The following GATB variants were observed in gnomAD, a reference collection of about 807,000 sequenced individuals.
GATB encodes glutamyl-tRNA amidotransferase subunit B.
A neutral mutation model predicts 62.3 loss-of-function variants in GATB; 39 were observed. That is an observed-to-expected ratio of 0.63 (90% CI 0.48 to 0.82). The LOEUF (loss-of-function observed/expected upper bound fraction) is 0.82. Ranked by LOEUF, GATB falls within the 40% of genes least tolerant of loss-of-function variation. The probability of loss-of-function intolerance (pLI) is 0.00; values close to 1 mark genes in which losing one functional copy is unlikely to be tolerated. For synonymous variants in GATB, 276 were observed against 258.9 expected (o/e 1.07, Z -0.63); for missense variants, 670 against 684.0 (o/e 0.98, Z 0.23).
intron 2 of GATB, among the ~76,000 whole-genome samples, chr4:151,757,795 TA>T (rs2127002181): frequency 6.6e-6 from 1 of 152,242 alleles, no homozygotes; most frequent in South Asian, 2.1e-4. Flanking sequence ...CTTCCACTCT[TA>T]TTTAAATGTT....
chr4:151,702,497 A>G (rs1051084989), intron 8 of GATB, among the ~76,000 whole-genome samples: 9 of 152,066 alleles, frequency 5.9e-5, no homozygotes, highest in Admixed American at 2.0e-4. Flanking sequence ...TAAACCATGG[A>G]CTCTAGCCAA....
At chr4:151,686,298 C>T (rs574477325) in intron 10 of GATB, among the ~76,000 whole-genome samples, 42 of 152,204 alleles carry the variant, frequency 2.8e-4, no homozygotes, top group Non-Finnish European at 4.9e-4. Flanking sequence ...GCTGAGCAGC[C>T]GAGTCGGGAA....
intron 2 of GATB, chr4:151,722,486 T>C (rs1739050887): frequency 2.4e-6 from 1 of 421,746 alleles, no homozygotes; most frequent in Admixed American, 4.3e-5. Flanking sequence ...GCCTACATCT[T>C]CAATTTCATC....
At chr4:151,679,063 T>C (rs554038601) in intron 11 of GATB, among the ~76,000 whole-genome samples, 1 of 152,204 alleles carries the variant, frequency 6.6e-6, no homozygotes, top group African/African-American at 2.4e-5. Flanking sequence ...ACTCAGCTAA[T>C]TTCTGTATTT....
intron 5 of GATB, among the ~76,000 whole-genome samples, chr4:151,710,273 C>T (rs574721837): frequency 6.6e-6 from 1 of 152,180 alleles, no homozygotes; most frequent in Non-Finnish European, 1.5e-5. Context: ...CCCTTCTCTC[C>T]CATACCAGTC....
At chr4:151,759,601 CTTTT>C (rs1375345865) in intron 1 of GATB, among the ~76,000 whole-genome samples, 2 of 152,098 alleles carry the variant, frequency 1.3e-5, no homozygotes, top group Non-Finnish European at 2.9e-5. Context: ...TTTCAGGTTA[CTTTT>C]TTAATGCTTA....
At chr4:151,740,516 C>G (rs1205761825) in intron 2 of GATB, among the ~76,000 whole-genome samples, 2 of 152,194 alleles carry the variant, frequency 1.3e-5, no homozygotes, top group East Asian at 3.8e-4. Context: ...TATGACATCA[C>G]CAGGCCATAG....
chr4:151,678,433 GTTC>G (rs938228190), intron 11 of GATB, among the ~76,000 whole-genome samples: 14 of 122,104 alleles, frequency 1.1e-4, no homozygotes, highest in Admixed American at 3.1e-4. Flanking sequence ...AATTCAATGT[GTTC>G]TTCTCTCTCT....
intron 2 of GATB, among the ~76,000 whole-genome samples, chr4:151,750,181 C>G (rs1739691147): frequency 6.6e-6 from 1 of 152,140 alleles, no homozygotes; most frequent in South Asian, 2.1e-4. Flanking sequence ...ACGCCCAGCC[C>G]CTAACTTAAG....
At chr4:151,741,753 G>C (rs112366025) in intron 2 of GATB, among the ~76,000 whole-genome samples, 16 of 152,346 alleles carry the variant, frequency 1.1e-4, no homozygotes, top group African/African-American at 3.4e-4. Context: ...TCTCCCACTA[G>C]AGCCAGCTGC....
In GATB at chr4:151,730,054, C is replaced by T. The variant is rs1015776293; in HGVS notation, c.328-10516G>A. On this transcript the variant is annotated intron_variant, in intron 2 of 12. Coordinates refer to ENST00000263985, the MANE Select transcript of GATB (RefSeq NM_004564.3). This position sits in a 1 kb window ranked among gnomAD's most constrained non-coding sequence, Gnocchi z 4.1. ...AAAGCCTCAGGCAAGTTTTCAAGCC[C>T]CACCTGCCCTCTGCCTGGAAACAGA... is the stretch of plus-strand genomic sequence containing the variant. Among the ~76,000 whole-genome samples the T allele has an allele frequency of 7.9e-5, 12 of 152,182 alleles. No homozygotes were observed. The highest frequency in any genetic ancestry group is 2.7e-4 in the African/African-American group (11 of 41,448).
At position 151,730,457 on chromosome 4, in the gene GATB, A is replaced by G. The variant is rs1330347147; in HGVS notation, c.328-10919T>C. 1.3e-5 allele frequency among the ~76,000 whole-genome samples: 2 copies of G among 152,242 alleles called. No homozygotes were observed. Among genetic ancestry groups the G allele is most frequent in the African/African-American group, 4.8e-5 (2 of 41,464 alleles). ...CTGGAAAGCACCACCTCCTGGCAGAAGGCCAACCAGCACAAAAATAAAGCA... is the reference window on the plus strand; with the variant it reads ...CTGGAAAGCACCACCTCCTGGCAGAGGGCCAACCAGCACAAAAATAAAGCA... On this transcript the variant is annotated intron_variant, in intron 2 of 12. Transcript: ENST00000263985. The surrounding 1 kb of genome is among the most constrained non-coding windows in gnomAD (Gnocchi z 4.1).
At chr4:151,735,440 A>G (rs1739352788) in intron 2 of GATB, among the ~76,000 whole-genome samples, 1 of 152,070 alleles carries the variant, frequency 6.6e-6, no homozygotes, top group Non-Finnish European at 1.5e-5. Flanking sequence ...ATCAAAAAAC[A>G]GTAGATGTTG....
intron 2 of GATB, among the ~76,000 whole-genome samples, chr4:151,731,955 G>A (rs1483276479): frequency 9.6e-6 from 1 of 103,990 alleles, no homozygotes; most frequent in Non-Finnish European, 2.1e-5. Context: ...CGTCCGGGAG[G>A]GAAGTGGGGG....
chr4:151,694,673 TAC>T (rs1248382020), intron 9 of GATB, among the ~76,000 whole-genome samples: 5 of 152,212 alleles, frequency 3.3e-5, no homozygotes, highest in Admixed American at 6.5e-5. Flanking sequence ...AGAAGGTGAG[TAC>T]TTTGCACCTC....
intron 5 of GATB, among the ~76,000 whole-genome samples, chr4:151,709,146 A>G (rs1738770890): frequency 6.6e-6 from 1 of 152,218 alleles, no homozygotes; most frequent in Non-Finnish European, 1.5e-5. Context: ...CCAAAGCAAA[A>G]GCATATTAAA....
rs371263176 is a variant in GATB, at chr4:151,701,385, G to T, written c.1141C>A (p.Arg381=). 1.3e-6 allele frequency: 2 copies of T among 1,598,896 alleles called. No homozygotes were observed. The highest frequency in any genetic ancestry group is 2.3e-5 in the East Asian group (1 of 43,738). ...CCATACTGTTGGACAAGCTTCTCTCGGGTCACACTGGGGAGCTCCGGGAGT... is the reference window on the plus strand; with the variant it reads ...CCATACTGTTGGACAAGCTTCTCTCTGGTCACACTGGGGAGCTCCGGGAGT... ...ETLPELPSVT[R]EKLVQQYGML... The change falls in exon 9 of 13, where the codon CGA becomes AGA. Residue 381 remains arginine (R), a synonymous_variant. Transcript: ENST00000263985.
intron 2 of GATB, among the ~76,000 whole-genome samples, chr4:151,755,811 T>G (rs941275536): frequency 1.3e-5 from 2 of 152,200 alleles, no homozygotes. Context: ...CCCTTGTTGG[T>G]TTATTCTTTC....
At chr4:151,719,153 A>G (rs6832872) in intron 3 of GATB, among the ~76,000 whole-genome samples, 106,598 of 152,214 alleles carry the variant, frequency 0.7, 39,230 homozygotes, top group African/African-American at 0.93. Context: ...CTGAGCCTGC[A>G]AACACTGGCT....
Sources: gnomAD v4.1 joint callset for allele counts (sites outside exome capture counted in the v4.1 genomes callset) on GRCh38, gnomAD v4.1.1 for gene constraint, Gnocchi (gnomAD v3.1) non-coding constraint, MANE v1.5 for transcripts, NCBI Gene and HGNC (gene_info 2026-07-23, HGNC 2026-07-21) for gene names.